MTF1: variants seen among roughly 807,000 people sequenced by gnomAD.
MTF1 encodes the protein MRE-binding transcription factor.
MTF1 carries 22 observed loss-of-function variants against 70.4 expected under a neutral mutation model. The observed-to-expected ratio is 0.31, with a 90% CI of 0.22 to 0.45. The LOEUF (loss-of-function observed/expected upper bound fraction) is 0.45, where lower values mean the gene tolerates loss of function less well. Ranked by LOEUF, MTF1 falls within the 20% of genes least tolerant of loss-of-function variation. The probability of loss-of-function intolerance (pLI) is 1.00; values close to 1 mark genes in which losing one functional copy is unlikely to be tolerated. For missense variants in MTF1, 649 were observed against 922.0 expected (o/e 0.70, Z 3.83); for synonymous variants, 333 against 352.8 (o/e 0.94, Z 0.63).
In MTF1 at chr1:37,821,724, G is replaced by A. The variant is rs181578255; in HGVS notation, c.1767+397C>T. Reference sequence around the variant, plus strand: ...AAGTTAGCTCTCTGACTTGGCCACTGCTGTCCGGTGCCATCTGACTGGGTC... The same window carrying A: ...AAGTTAGCTCTCTGACTTGGCCACTACTGTCCGGTGCCATCTGACTGGGTC... On this transcript the variant is annotated intron_variant, in intron 9 of 10. Transcript: ENST00000373036. 7.9e-5 allele frequency among the ~76,000 whole-genome samples: 12 copies of A among 152,294 alleles called. No individual in the cohort carries two copies. The East Asian group carries it at 2.3e-3, about 29-fold the overall frequency.
chr1:37,821,604 C>A (rs935341254), intron 9 of MTF1, among the ~76,000 whole-genome samples: 1 of 152,136 alleles, frequency 6.6e-6, no homozygotes. Context: ...CAATTCTTCA[C>A]GATGAAGCAT....
chr1:37,835,032 G>T (rs772958273), intron 6 of MTF1, 47 bp downstream of exon 6: 17 of 1,597,392 alleles, frequency 1.1e-5, no homozygotes, highest in Non-Finnish European at 1.5e-5. Context: ...ACAAACAACT[G>T]TTGAAGTTCT....
intron 9 of MTF1, 93 bp downstream of exon 9, chr1:37,822,028 C>T: frequency 1.0e-6 from 1 of 1,001,104 alleles, no homozygotes; most frequent in Non-Finnish European, 1.5e-6. Context: ...GTGGATATGA[C>T]AGCCACTTTT....
rs375989724 is a variant in MTF1, at chr1:37,839,903, T to C, written c.647+17A>G. ...GTCAAGGTCAGAGGCTGGCAGAGCA[T>C]TGGAGACGAGACTGACCTGTACAGT... is the stretch of plus-strand genomic sequence containing the variant. On this transcript the variant is annotated intron_variant, in intron 3 of 10. Coordinates refer to ENST00000373036, the MANE Select transcript of MTF1 (RefSeq NM_005955.3). 7.1e-5 allele frequency: 113 copies of C among 1,595,032 alleles called. 1 individual carries two copies. The Middle Eastern group carries it at 8.6e-4, about 12-fold the overall frequency.
chr1:37,830,040 A>G (rs1314911171), intron 7 of MTF1, among the ~76,000 whole-genome samples: 2 of 152,122 alleles, frequency 1.3e-5, no homozygotes, highest in Admixed American at 6.6e-5. Flanking sequence ...GGGCTCCAGA[A>G]AGCTCGTTAG....
Position 37,840,552 on chromosome 1 carries a change from C to G in MTF1, c.409-394G>C, listed in dbSNP as rs956083233. 1 of 452,130 alleles carries G rather than the reference C, an allele frequency of 2.2e-6. No individual in the cohort carries two copies. Among genetic ancestry groups the G allele is most frequent in the East Asian group, 6.9e-5 (1 of 14,546 alleles). The allele number at this position is 452,130 out of a possible 1,614,324, so 28.0% of individuals were successfully genotyped here. A position where few individuals can be genotyped will look rare whatever the true frequency, so the allele number is the denominator to read the frequency against. ...AGAACTACAACTTGATTGGAATTAC[C>G]AATATTAAATTGAGTTTAAAACATC... On this transcript the variant is annotated intron_variant, in intron 2 of 10. Coordinates refer to ENST00000373036, the MANE Select transcript of MTF1 (RefSeq NM_005955.3). This position sits in a 1 kb window ranked among gnomAD's most constrained non-coding sequence, Gnocchi z 4.5.
intron 2 of MTF1, among the ~76,000 whole-genome samples, chr1:37,844,274 T>A (rs891691101): frequency 1.3e-5 from 2 of 152,198 alleles, no homozygotes; most frequent in African/African-American, 4.8e-5. Flanking sequence ...ACTGAATTCC[T>A]ACTTCCCTGA....
chr1:37,855,441 G>A (rs1037454517), intron 2 of MTF1, among the ~76,000 whole-genome samples: 3 of 152,136 alleles, frequency 2.0e-5, no homozygotes, highest in African/African-American at 7.2e-5. Context: ...GGATGCCATA[G>A]GGAGATTTCT....
In MTF1 at chr1:37,815,919, C is replaced by G. The variant is rs532892305; in HGVS notation, c.1832-353G>C. On this transcript the variant is annotated intron_variant, in intron 10 of 10. Transcript: ENST00000373036. The surrounding 1 kb of genome is among the most constrained non-coding windows in gnomAD (Gnocchi z 4.5). ...CCCTGGGCCTGTGGGCTCTTCCTTA[C>G]GACTAAAATCCCTGGACACCTCTCT... is the stretch of plus-strand genomic sequence containing the variant. Among the ~76,000 whole-genome samples the G allele has an allele frequency of 6.6e-6, 1 of 152,166 alleles. No individual in the cohort carries two copies. The highest frequency in any genetic ancestry group is 1.5e-5 in the Non-Finnish European group (1 of 68,038).
chr1:37,849,071 T>C (rs1211518310), intron 2 of MTF1, among the ~76,000 whole-genome samples: 1 of 152,208 alleles, frequency 6.6e-6, no homozygotes, highest in Non-Finnish European at 1.5e-5. Flanking sequence ...CCTCTTGGAA[T>C]GCCACTGGCC....
Position 37,840,632 on chromosome 1 carries a change from A to G in MTF1, c.409-474T>C. On this transcript the variant is annotated intron_variant, in intron 2 of 10. Coordinates refer to ENST00000373036, the MANE Select transcript of MTF1 (RefSeq NM_005955.3). The surrounding 1 kb of genome is among the most constrained non-coding windows in gnomAD (Gnocchi z 4.5). ...TATTTCCCTAGATTGTTTCCACTGC[A>G]TATTTTCAAGCCTACAAAATGACAA... 2.6e-6 allele frequency: 1 copy of G among 379,120 alleles called. No individual in the cohort carries two copies. Among genetic ancestry groups the G allele is most frequent in the Non-Finnish European group, 5.2e-6 (1 of 192,164 alleles). The allele number at this position is 379,120 out of a possible 1,614,324, so 23.5% of individuals were successfully genotyped here.
chr1:37,838,908 G>A (rs1569869739), intron 3 of MTF1, 152 bp from the exon 4 acceptor site: 3 of 536,026 alleles, frequency 5.6e-6, no homozygotes, highest in Non-Finnish European at 8.8e-6. Flanking sequence ...AGGTTCAAGC[G>A]ATTCTCCTGC....
In MTF1 at chr1:37,811,603, A is replaced by T. The variant is rs1445539595; in HGVS notation, c.*3533T>A. ...TAATATACCAATATGAGGTTCTGCA[A>T]ACTTGTCCCTCTGGACACATTCAGC... On this transcript the variant is annotated 3_prime_UTR_variant, in exon 11 of 11. Coordinates refer to ENST00000373036, the MANE Select transcript of MTF1 (RefSeq NM_005955.3). 6.6e-6 allele frequency: 1 copy of T among 152,208 alleles called. No homozygotes were observed. Among genetic ancestry groups the T allele is most frequent in the African/African-American group, 2.4e-5 (1 of 41,452 alleles). The allele number at this position is 152,208 out of a possible 1,614,324, so 9.4% of individuals were successfully genotyped here.
At chr1:37,847,888 T>C (rs1451176290) in intron 2 of MTF1, among the ~76,000 whole-genome samples, 2 of 152,030 alleles carry the variant, frequency 1.3e-5, no homozygotes, top group Non-Finnish European at 2.9e-5. Context: ...TCGCTTGAGC[T>C]GGTGAGGTCA....
intron 2 of MTF1, among the ~76,000 whole-genome samples, chr1:37,843,915 T>C (rs1641295087): frequency 8.1e-6 from 1 of 123,106 alleles, no homozygotes; most frequent in Admixed American, 1.1e-4. Context: ...AGTCTTTAGG[T>C]TCCTTAGTCA....
chr1:37,819,983 A>AAAAT (rs1640886296), intron 9 of MTF1, among the ~76,000 whole-genome samples: 2 of 72,414 alleles, frequency 2.8e-5, no homozygotes, highest in Non-Finnish European at 7.2e-5. Context: ...AAAAAAAAAA[A>AAAAT]AAGGAGAAGT....
At chr1:37,859,113 G>A (rs986503232) in intron 1 of MTF1, among the ~76,000 whole-genome samples, 1 of 152,212 alleles carries the variant, frequency 6.6e-6, no homozygotes, top group Non-Finnish European at 1.5e-5. Context: ...AGAGAGAGAA[G>A]AGCACCGAGG....
intron 7 of MTF1, chr1:37,826,555 G>T (rs1247864150): frequency 4.4e-6 from 2 of 455,384 alleles, no homozygotes; most frequent in East Asian, 7.0e-5. Flanking sequence ...TTACAAGTAT[G>T]AGCCACCACC....
At chr1:37,829,650 T>C (rs1388667075) in intron 7 of MTF1, among the ~76,000 whole-genome samples, 3 of 151,832 alleles carry the variant, frequency 2.0e-5, no homozygotes, top group African/African-American at 7.3e-5. Flanking sequence ...CCAGGCATGG[T>C]GGCGGGCGCC....
Sources: allele counts gnomAD v4.1 joint callset (sites outside exome capture counted in the v4.1 genomes callset), GRCh38; gene constraint gnomAD v4.1.1; non-coding constraint Gnocchi (gnomAD v3.1); transcripts MANE v1.5; gene names NCBI Gene and HGNC (gene_info 2026-07-23, HGNC 2026-07-21).